Variants in KIF20B observed in about 807,000 individuals in gnomAD.
KIF20B encodes kinesin-like protein KIF20B.
A neutral mutation model predicts 232.5 loss-of-function variants in KIF20B; 188 were observed. That is an observed-to-expected ratio of 0.81 (90% CI 0.72 to 0.91). The LOEUF (loss-of-function observed/expected upper bound fraction) is 0.91. Ranked by LOEUF, KIF20B falls within the 40% of genes least tolerant of loss-of-function variation. The pLI is 0.00. For synonymous variants in KIF20B, 712 were observed against 683.0 expected, an observed-to-expected ratio of 1.04 and a Z score of -0.66; for missense variants, 2,154 against 2,055.9, an observed-to-expected ratio of 1.05 and a Z score of -0.92.
At chr10:89,706,300 T>C (rs1383636704) in intron 2 of KIF20B, among the ~76,000 whole-genome samples, 2 of 152,172 alleles carry the variant, frequency 1.3e-5, no homozygotes. Flanking sequence ...CAGATCTTTT[T>C]CCCATTTAAA....
chr10:89,750,746 G>C (rs577920108), intron 23 of KIF20B, among the ~76,000 whole-genome samples: 1 of 152,188 alleles, frequency 6.6e-6, no homozygotes, highest in East Asian at 1.9e-4. Flanking sequence ...TTCTTCAAGG[G>C]CCAGAAACAA....
Position 89,762,816 on chromosome 10 carries a change from A to G in KIF20B, c.4970A>G (p.Lys1657Arg). The change falls in exon 29 of 33, where the codon AAG becomes AGG. Residue 1657 changes from lysine (K) to arginine (R), a missense_variant. Transcript: ENST00000371728. ...TVKIPKARKR[K>R]SNEMEEDLVK... ...AAGATTCCCAAGGCTCGGAAGAGGA[A>G]GAGTAATGAAATGGAGGAGGTAAAT... 1 of 1,610,848 alleles carries G rather than the reference A, an allele frequency of 6.2e-7. No homozygotes were observed. The highest frequency in any genetic ancestry group is 8.5e-7 in the Non-Finnish European group (1 of 1,177,316).
chr10:89,748,717 G>T (rs1024433504), intron 23 of KIF20B, among the ~76,000 whole-genome samples: 1 of 151,906 alleles, frequency 6.6e-6, no homozygotes, highest in Non-Finnish European at 1.5e-5. Flanking sequence ...TGTCCCTCTT[G>T]GTGAATGTGG....
rs147005975 is a variant in KIF20B at position 89,729,194 on chromosome 10, A to T, written c.2338A>T (p.Ile780Phe). The T allele has an allele frequency of 1.3e-5, 20 of 1,490,668 alleles. No individual in the cohort carries two copies. Among genetic ancestry groups the T allele is most frequent in the Non-Finnish European group, 4.5e-6 (5 of 1,108,054 alleles). The allele number at this position is 1,490,668 out of a possible 1,614,324, so 92.3% of individuals were successfully genotyped here. The change falls in exon 18 of 33, where the codon ATC (isoleucine) becomes TTC (phenylalanine). Residue 780 changes from isoleucine (I) to phenylalanine (F), a missense_variant. Physicochemically the swap from Ile to Phe is conservative, Grantham distance 21. Transcript: ENST00000371728. ...INIIDQKEDT[I>F]NEFQNLKSHM... ...TATAATTGATCAAAAAGAAGATACT[A>T]TCAACGAATTTCAGAACCTAAAGTC...
Position 89,754,526 on chromosome 10 carries a change from A to C in KIF20B, c.4356A>C (p.Glu1452Asp). 2 of 1,587,592 alleles carry C rather than the reference A, an allele frequency of 1.3e-6. No homozygotes were observed. The highest frequency in any genetic ancestry group is 1.7e-6 in the Non-Finnish European group (2 of 1,167,140). Reference sequence around the variant, plus strand: ...ACCATTTATATATACAGGAGTCTGAACAGAAATATAATGCTGATAGAAAGA... The same window carrying C: ...ACCATTTATATATACAGGAGTCTGACCAGAAATATAATGCTGATAGAAAGA... ...TNLQDELQES[E>D]QKYNADRKKW... Residue 1452 changes from glutamate to aspartate, a missense_variant, in exon 26 of 33, where the codon GAA becomes GAC. Physicochemically the swap from Glu to Asp is conservative, Grantham distance 45. Transcript: ENST00000371728.
chr10:89,731,480 A>G (rs1410739173), intron 18 of KIF20B, among the ~76,000 whole-genome samples: 1 of 152,242 alleles, frequency 6.6e-6, no homozygotes, highest in Non-Finnish European at 1.5e-5. Context: ...TGTCCTGATT[A>G]ACAGTTGATC....
intron 11 of KIF20B, among the ~76,000 whole-genome samples, chr10:89,718,471 A>G (rs1589855943): frequency 6.6e-6 from 1 of 152,224 alleles, no homozygotes; most frequent in Admixed American, 6.5e-5. Context: ...TGATTGTGCC[A>G]CTGTACTCCA....
chr10:89,752,538 T>C, intron 24 of KIF20B, 29 bp from the exon 25 acceptor site: 1 of 1,548,582 alleles, frequency 6.5e-7, no homozygotes, highest in Non-Finnish European at 8.8e-7. Context: ...GCATATGCTT[T>C]AAAACATAAT....
At chr10:89,724,861 C>T (rs544815916) in intron 14 of KIF20B, among the ~76,000 whole-genome samples, 159 bp from the exon 15 acceptor site, 7 of 152,222 alleles carry the variant, frequency 4.6e-5, no homozygotes, top group South Asian at 2.1e-4. Flanking sequence ...GTGATCCACC[C>T]GCCTCCGCCT....
chr10:89,715,434 T>C (rs1487597032), intron 8 of KIF20B, among the ~76,000 whole-genome samples: 1 of 143,268 alleles, frequency 7.0e-6, no homozygotes, highest in Non-Finnish European at 1.5e-5. Flanking sequence ...AAAAGCTGTG[T>C]ATGGTTATGT....
chr10:89,724,325 G>A (rs536920638), intron 14 of KIF20B, among the ~76,000 whole-genome samples: 14 of 152,204 alleles, frequency 9.2e-5, no homozygotes, highest in African/African-American at 2.9e-4. Context: ...TCAGGAGGTC[G>A]AGATCAGCCT....
At chr10:89,749,248 T>C (rs1841978605) in intron 23 of KIF20B, among the ~76,000 whole-genome samples, 1 of 152,212 alleles carries the variant, frequency 6.6e-6, no homozygotes, top group South Asian at 2.1e-4. Flanking sequence ...GACATTTCCC[T>C]ACAAATAGAC....
chr10:89,766,007 T>C (rs1842351620), intron 29 of KIF20B, among the ~76,000 whole-genome samples: 1 of 152,104 alleles, frequency 6.6e-6, no homozygotes, highest in Non-Finnish European at 1.5e-5. Context: ...GAGGAGTATC[T>C]TTGTGGCGTT....
intron 23 of KIF20B, among the ~76,000 whole-genome samples, chr10:89,749,071 C>T (rs1841975481): frequency 6.6e-6 from 1 of 152,140 alleles, no homozygotes; most frequent in African/African-American, 2.4e-5. Flanking sequence ...CCTTTTGAAA[C>T]TCTCTTGTCT....
intron 6 of KIF20B, among the ~76,000 whole-genome samples, chr10:89,711,748 G>A (rs562071014): frequency 4.0e-5 from 6 of 151,776 alleles, no homozygotes; most frequent in South Asian, 2.1e-4. Context: ...TTCATTTAGC[G>A]TATCTTAAAT....
At chr10:89,706,626 C>T (rs1324147118) in intron 2 of KIF20B, among the ~76,000 whole-genome samples, 3 of 132,490 alleles carry the variant, frequency 2.3e-5, no homozygotes, top group African/African-American at 6.3e-5. Flanking sequence ...TTTTAGCTTC[C>T]ATACATTTTT....
At chr10:89,763,358 T>G (rs1214390835) in intron 29 of KIF20B, among the ~76,000 whole-genome samples, 1 of 152,198 alleles carries the variant, frequency 6.6e-6, no homozygotes, top group Non-Finnish European at 1.5e-5. Flanking sequence ...GCGTCCTTGC[T>G]TCAGTTAAAC....
At chr10:89,747,425 A>G (rs1841936617) in intron 23 of KIF20B, among the ~76,000 whole-genome samples, 1 of 152,068 alleles carries the variant, frequency 6.6e-6, no homozygotes, top group Non-Finnish European at 1.5e-5. Context: ...TGCTATAAAG[A>G]CACATGCACA....
rs1841714682 is a variant in KIF20B at position 89,738,377 on chromosome 10, A to G, written c.3536A>G (p.His1179Arg). ...GAGACTCAGAAAGTTGAATGTAGTC[A>G]TTCAGCCAAGTTAGAACAAGACATT... is the stretch of plus-strand genomic sequence containing the variant. ...ILETQKVECS[H>R]SAKLEQDILE... The change falls in exon 20 of 33, where the codon CAT becomes CGT. Residue 1179 changes from histidine to arginine, a missense_variant. By Grantham distance (29) the His-to-Arg change is conservative (BLOSUM62 0). Coordinates refer to ENST00000371728, the MANE Select transcript of KIF20B (RefSeq NM_001284259.2). 6.2e-7 allele frequency: 1 copy of G among 1,606,590 alleles called. No homozygotes were observed. Among genetic ancestry groups the G allele is most frequent in the Non-Finnish European group, 8.5e-7 (1 of 1,177,992 alleles).
Sources: allele counts gnomAD v4.1 joint callset (sites outside exome capture counted in the v4.1 genomes callset), GRCh38; gene constraint gnomAD v4.1.1; transcripts MANE v1.5; gene names NCBI Gene and HGNC (gene_info 2026-07-23, HGNC 2026-07-21).